The following PLEKHA7 variants were observed in gnomAD, a reference collection of about 807,000 sequenced individuals.
PLEKHA7 encodes pleckstrin homology domain-containing family A member 7.
A neutral mutation model predicts 170.0 loss-of-function variants in PLEKHA7; 104 were observed. The ratio of observed to expected loss-of-function variants is 0.61; its 90% CI spans 0.52 to 0.72. The LOEUF (loss-of-function observed/expected upper bound fraction) is 0.72. Ranked by LOEUF, PLEKHA7 falls within the 30% of genes least tolerant of loss-of-function variation. The pLI is 0.00. For synonymous variants in PLEKHA7, 648 were observed against 660.8 expected (o/e 0.98, Z 0.30); for missense variants, 1,615 against 1,671.7 (o/e 0.97, Z 0.59).
rs772493553 is a variant in PLEKHA7 at position 16,794,958 on chromosome 11, C to A, written c.2470G>T (p.Ala824Ser). The change falls in exon 18 of 27, where the codon GCA (alanine) becomes TCA (serine). Residue 824 changes from alanine (A) to serine (S), a missense_variant. Physicochemically the swap from Ala to Ser is moderately conservative, Grantham distance 99. Transcript: ENST00000531066. The part of the protein sequence containing the change: ...RIEDVTAGLS[A>S]NKENFRILVE... The stretch of plus-strand genomic sequence containing the variant: ...AGAATTCTGAAGTTCTCTTTATTTG[C>A]ACTCAGGCCTGCAGTGACATCTTCA... 4.3e-6 allele frequency: 7 copies of A among 1,613,868 alleles called. No homozygotes were observed. Among genetic ancestry groups the A allele is most frequent in the Non-Finnish European group, 5.9e-6 (7 of 1,179,876 alleles).
chr11:16,873,673 C>T (rs1855047609), intron 3 of PLEKHA7, among the ~76,000 whole-genome samples: 1 of 152,120 alleles, frequency 6.6e-6, no homozygotes, highest in Admixed American at 6.6e-5. Flanking sequence ...CCAGCTTTTC[C>T]TTTTTTCTTT....
chr11:16,942,068 T>C (rs573319752), intron 3 of PLEKHA7, among the ~76,000 whole-genome samples: 16 of 152,366 alleles, frequency 1.1e-4, no homozygotes, highest in African/African-American at 3.8e-4. Flanking sequence ...TTACATGTAT[T>C]TGCTCAATTA....
chr11:16,832,682 C>G (rs1851210796), intron 9 of PLEKHA7, among the ~76,000 whole-genome samples: 1 of 152,144 alleles, frequency 6.6e-6, no homozygotes. Context: ...TTGATTGAAC[C>G]TTAGTCCTGA....
chr11:16,840,596 A>G (rs867413980), intron 9 of PLEKHA7, among the ~76,000 whole-genome samples: 17 of 152,142 alleles, frequency 1.1e-4, no homozygotes, highest in African/African-American at 4.1e-4. Flanking sequence ...TATAAAGATG[A>G]TATCTGCTTT....
chr11:16,852,930 G>A (rs1198941389), intron 6 of PLEKHA7, among the ~76,000 whole-genome samples: 1 of 152,172 alleles, frequency 6.6e-6, no homozygotes, highest in Admixed American at 6.5e-5. Flanking sequence ...CATCTGAAAT[G>A]TAAATGTTTG....
Position 16,953,101 on chromosome 11 carries a change from G to A in PLEKHA7, c.221+60888C>T, listed in dbSNP as rs112491892. On this transcript the variant is annotated intron_variant, in intron 3 of 26. Transcript: ENST00000531066. ...CAAAGAAAAGTTTCATGGAGGCAGTGAAGTTTGAGCTATGCCTTAAAGGCT... is the reference window on the plus strand; with the variant it reads ...CAAAGAAAAGTTTCATGGAGGCAGTAAAGTTTGAGCTATGCCTTAAAGGCT... 4.2e-3 allele frequency among the ~76,000 whole-genome samples: 635 copies of A among 152,350 alleles called. 3 individuals are homozygous for A. Among genetic ancestry groups the A allele is most frequent in the African/African-American group, 0.014 (596 of 41,578 alleles).
Position 16,995,998 on chromosome 11 carries a change from G to C in PLEKHA7, c.221+17991C>G, listed in dbSNP as rs112110256. 8.9e-3 allele frequency among the ~76,000 whole-genome samples: 1,350 copies of C among 152,230 alleles called. 17 individuals carry two copies. The highest frequency in any genetic ancestry group is 0.011 in the Non-Finnish European group (749 of 68,032). ...ACAGGTACGCTCTGTGTATATCAGA[G>C]TCCCTGCAGAAGTCAAGAAATTACC... is the stretch of plus-strand genomic sequence containing the variant. On this transcript the variant is annotated intron_variant, in intron 3 of 26. Coordinates refer to ENST00000531066, the MANE Select transcript of PLEKHA7 (RefSeq NM_001329630.2).
chr11:16,888,049 C>T (rs1034653951), intron 3 of PLEKHA7, among the ~76,000 whole-genome samples: 8 of 152,054 alleles, frequency 5.3e-5, no homozygotes, highest in Non-Finnish European at 8.8e-5. Context: ...GCCGCCACCC[C>T]GTTCTGGGAG....
intron 3 of PLEKHA7, among the ~76,000 whole-genome samples, chr11:16,995,972 C>T (rs986268591): frequency 1.3e-5 from 2 of 152,114 alleles, no homozygotes; most frequent in East Asian, 3.9e-4. Context: ...GGACAGTATA[C>T]ACAGGTACGC....
In PLEKHA7 at chr11:17,014,130, C is replaced by T. The variant is rs1865516566; in HGVS notation, c.158G>A (p.Arg53His). The T allele has an allele frequency of 6.2e-7, 1 of 1,602,860 alleles. No individual in the cohort carries two copies. The highest frequency in any genetic ancestry group is 8.5e-7 in the Non-Finnish European group (1 of 1,176,106). Residue 53 changes from arginine (R) to histidine (H), a missense_variant, in exon 2 of 27, where the codon CGC becomes CAC. Arg to His is a conservative substitution (Grantham distance 29). Transcript: ENST00000531066. Reference protein sequence around the residue: ...GEPVNSGHMIRSDLPRGWEEG... With the variant: ...GEPVNSGHMIHSDLPRGWEEG... Reference sequence around the variant, plus strand: ...CCCGCCGGCCCGGCGCCCACCTGAGCGGATCATGTGGCCCGAGTTGACGGG... The same window carrying T: ...CCCGCCGGCCCGGCGCCCACCTGAGTGGATCATGTGGCCCGAGTTGACGGG...
At chr11:16,823,864 T>A (rs576471574) in intron 10 of PLEKHA7, among the ~76,000 whole-genome samples, 1 of 152,298 alleles carries the variant, frequency 6.6e-6, no homozygotes, top group Non-Finnish European at 1.5e-5. Flanking sequence ...TAAGTGTCCA[T>A]CAACAGATGA....
intron 3 of PLEKHA7, among the ~76,000 whole-genome samples, chr11:16,933,901 A>G (rs530300040): frequency 6.6e-4 from 101 of 152,348 alleles, no homozygotes; most frequent in African/African-American, 2.4e-3. Context: ...TTCAAGGCTG[A>G]GAGCACGCTG....
At chr11:16,902,271 T>G (rs1857389510) in intron 3 of PLEKHA7, among the ~76,000 whole-genome samples, 1 of 152,228 alleles carries the variant, frequency 6.6e-6, no homozygotes, top group African/African-American at 2.4e-5. Context: ...GGTTTTCACT[T>G]TGAGGATATT....
rs775113573 is a variant in PLEKHA7, at chr11:16,855,851, T to C, written c.369A>G (p.Thr123=). ...GGGTGGAGGCGGTCCCAGCCGTGGA[T>C]GTTTCACTGACCATGCTGGACGGTC... ...NQRPSSMVSE[T]STAGTASTLE... The change falls in exon 5 of 27, where the codon ACA becomes ACG. Residue 123 remains threonine, a synonymous_variant. Coordinates refer to ENST00000531066, the MANE Select transcript of PLEKHA7 (RefSeq NM_001329630.2). The C allele has an allele frequency of 1.2e-5, 19 of 1,614,198 alleles. No individual in the cohort carries two copies. The Admixed American group carries it at 2.8e-4, about 24-fold the overall frequency.
chr11:17,014,125 C>A lies in PLEKHA7; in HGVS notation c.163G>T (p.Asp55Tyr). Residue 55 changes from aspartate (D) to tyrosine (Y), a missense_variant and splice_region_variant, in exon 2 of 27, where the codon GAC becomes TAC. Physicochemically the swap from Asp to Tyr is radical, Grantham distance 160 (BLOSUM62 -3). Transcript: ENST00000531066. Reference sequence around the variant, plus strand: ...CCCCACCCGCCGGCCCGGCGCCCACCTGAGCGGATCATGTGGCCCGAGTTG... The same window carrying A: ...CCCCACCCGCCGGCCCGGCGCCCACATGAGCGGATCATGTGGCCCGAGTTG... ...PVNSGHMIRS[D>Y]LPRGWEEGFT... The A allele has an allele frequency of 6.2e-7, 1 of 1,602,350 alleles. No homozygotes were observed. The highest frequency in any genetic ancestry group is 8.5e-7 in the Non-Finnish European group (1 of 1,175,880).
intron 9 of PLEKHA7, among the ~76,000 whole-genome samples, chr11:16,833,520 C>G (rs947505670): frequency 6.6e-6 from 1 of 152,208 alleles, no homozygotes; most frequent in Non-Finnish European, 1.5e-5. Context: ...GCACACACCA[C>G]GCTCACTCAC....
rs1848821425 is a variant in PLEKHA7, at chr11:16,778,902, C to T, written c.*96G>A. The T allele has an allele frequency of 8.6e-6, 6 of 700,442 alleles. No individual in the cohort carries two copies. The highest frequency in any genetic ancestry group is 1.3e-5 in the Non-Finnish European group (5 of 383,472). The allele number at this position is 700,442 out of a possible 1,614,324, so 43.4% of individuals were successfully genotyped here. ...CCTTCCTCCGGCCGGATTCCCTGCT[C>T]AGCTGGAAGGGGTTTCCTTGGGGGC... is the stretch of plus-strand genomic sequence containing the variant. On this transcript the variant is annotated 3_prime_UTR_variant, in exon 27 of 27. Coordinates refer to ENST00000531066, the MANE Select transcript of PLEKHA7 (RefSeq NM_001329630.2).
chr11:17,013,971 G>A lies in PLEKHA7; in HGVS notation c.221+18C>T, dbSNP rs760697134. 4.3e-5 allele frequency: 66 copies of A among 1,532,712 alleles called. No individual in the cohort carries two copies. In the East Asian group the frequency reaches 5.3e-4, roughly 12 times the overall value. 94.9% of individuals were successfully genotyped at this position (1,532,712 alleles called of 1,614,324 possible). A position where few individuals can be genotyped will look rare whatever the true frequency, so the allele number is the denominator to read the frequency against. On this transcript the variant is annotated intron_variant, in intron 3 of 26. Transcript: ENST00000531066. ...CCCCCGCGGCACAGGTGCGAGCGCG[G>A]CGGCCCCACTCACTCACTCGATGAA...
At chr11:16,847,613 T>A (rs375091614) in intron 8 of PLEKHA7, among the ~76,000 whole-genome samples, 1 of 152,028 alleles carries the variant, frequency 6.6e-6, no homozygotes, top group Admixed American at 6.5e-5. Context: ...GTGGATCACC[T>A]GAGGTCAGGA....
Sources: allele counts gnomAD v4.1 joint callset (sites outside exome capture counted in the v4.1 genomes callset), GRCh38; gene constraint gnomAD v4.1.1; transcripts MANE v1.5; gene names NCBI Gene and HGNC (gene_info 2026-07-23, HGNC 2026-07-21).